The following STXBP4 variants were observed in gnomAD, a reference collection of about 807,000 sequenced individuals.
STXBP4 encodes the protein syntaxin-binding protein 4.
In STXBP4, 55 loss-of-function variants were observed where a neutral mutation model predicts 76.1. The observed-to-expected ratio is 0.72, with a 90% CI of 0.58 to 0.91. The LOEUF (loss-of-function observed/expected upper bound fraction) is 0.91, where lower values mean the gene tolerates loss of function less well. STXBP4 is among the 40% of genes least tolerant of loss of function. The pLI, the probability that STXBP4 is intolerant of heterozygous loss-of-function variation, is 0.00. For missense variants in STXBP4, 618 were observed against 636.9 expected (o/e 0.97, Z 0.32); for synonymous variants, 201 against 220.2 (o/e 0.91, Z 0.77).
At chr17:55,034,074 G>A (rs2078557625) in intron 9 of STXBP4, 94 bp from the exon 10 acceptor site, 3 of 813,268 alleles carry the variant, frequency 3.7e-6, no homozygotes, top group Admixed American at 2.3e-5. Context: ...ATTTATGTGG[G>A]TTAAATTTGA....
intron 16 of STXBP4, among the ~76,000 whole-genome samples, chr17:55,117,732 G>A (rs1323171178): frequency 2.6e-5 from 4 of 151,920 alleles, no homozygotes; most frequent in Non-Finnish European, 5.9e-5. Context: ...ATGATGGACA[G>A]AATGTTTTTA....
the STXBP4 span, among the ~76,000 whole-genome samples, chr17:55,208,401 T>C: frequency 2.0e-5 from 3 of 152,078 alleles, no homozygotes. Flanking sequence ...GGTTGGGAGA[T>C]CATATAATTT....
At chr17:55,081,639 C>G (rs1057017464) in intron 16 of STXBP4, among the ~76,000 whole-genome samples, 3 of 152,158 alleles carry the variant, frequency 2.0e-5, no homozygotes, top group Non-Finnish European at 4.4e-5. Flanking sequence ...GGATCACAGA[C>G]AGTGAAGACT....
At chr17:55,179,983 C>T in the STXBP4 span, among the ~76,000 whole-genome samples, 1 of 152,098 alleles carries the variant, frequency 6.6e-6, no homozygotes, top group African/African-American at 2.4e-5. Context: ...TGACTCAAAC[C>T]GATATCTCAT....
chr17:55,077,962 T>C (rs371857453), intron 13 of STXBP4, 116 bp from the exon 14 acceptor site: 20 of 663,028 alleles, frequency 3.0e-5, no homozygotes, highest in South Asian at 1.8e-4. Context: ...ATATGTACAG[T>C]AAGAGAAAAA....
At chr17:55,131,221 A>G (rs932342727) in intron 16 of STXBP4, among the ~76,000 whole-genome samples, 3 of 152,202 alleles carry the variant, frequency 2.0e-5, no homozygotes, top group Non-Finnish European at 2.9e-5. Context: ...ACAGGTGTGA[A>G]GTGATATCTC....
intron 12 of STXBP4, among the ~76,000 whole-genome samples, chr17:55,051,420 C>A (rs903443342): frequency 7.2e-5 from 11 of 152,098 alleles, no homozygotes; most frequent in African/African-American, 2.7e-4. Flanking sequence ...GAAGGAATTT[C>A]ATACAAGTCC....
chr17:55,117,344 A>G (rs1446043110), intron 16 of STXBP4, among the ~76,000 whole-genome samples: 2 of 151,862 alleles, frequency 1.3e-5, no homozygotes, highest in Non-Finnish European at 1.5e-5. Flanking sequence ...CTCTCAGCCA[A>G]TAGTGTAAAA....
intron 10 of STXBP4, among the ~76,000 whole-genome samples, chr17:55,042,561 G>A (rs560453107): frequency 4.5e-4 from 69 of 152,082 alleles, no homozygotes; most frequent in African/African-American, 1.5e-3. Context: ...GGAGATGGCT[G>A]TAGTTAAACT....
chr17:55,157,700 A>G (rs1463509981), intron 17 of STXBP4, among the ~76,000 whole-genome samples: 1 of 152,198 alleles, frequency 6.6e-6, no homozygotes, highest in Non-Finnish European at 1.5e-5. Context: ...TAATATTTAA[A>G]CAGAGGAGCT....
At chr17:55,059,704 C>A (rs898457771) in intron 12 of STXBP4, among the ~76,000 whole-genome samples, 5 of 150,554 alleles carry the variant, frequency 3.3e-5, no homozygotes, top group Non-Finnish European at 7.4e-5. Context: ...AGGTCTCATC[C>A]CAGATCTATA....
chr17:55,178,692 T>G, the STXBP4 span, among the ~76,000 whole-genome samples: 6 of 152,292 alleles, frequency 3.9e-5, no homozygotes, highest in Non-Finnish European at 8.8e-5. Flanking sequence ...TACAGTAGAC[T>G]CCAAAGAGCT....
At chr17:55,180,575 A>G in the STXBP4 span, among the ~76,000 whole-genome samples, 1 of 152,254 alleles carries the variant, frequency 6.6e-6, no homozygotes, top group Non-Finnish European at 1.5e-5. Flanking sequence ...AAGAATTACA[A>G]TTTAGAGATG....
At chr17:55,067,646 T>G (rs113395254) in intron 12 of STXBP4, among the ~76,000 whole-genome samples, 4 of 152,286 alleles carry the variant, frequency 2.6e-5, no homozygotes, top group African/African-American at 9.6e-5. Context: ...GTTTGTTACC[T>G]AAGGTGGTAC....
In STXBP4 at chr17:55,159,894, C is replaced by A. The variant is rs1475646622; in HGVS notation, c.1645C>A (p.Pro549Thr). ...ENEEDCSREL[P>T]NQKS ...TGAAGAGGATTGCTCTAGAGAACTC[C>A]CCAACCAGAAAAGTTGATGGTTTTC... The change falls in exon 18 of 18, where the codon CCC becomes ACC. Residue 549 changes from proline (P) to threonine (T), a missense_variant. Physicochemically the swap from Pro to Thr is conservative, Grantham distance 38. Coordinates refer to ENST00000376352, the MANE Select transcript of STXBP4 (RefSeq NM_178509.6). 14 of 1,612,160 alleles carry A rather than the reference C, an allele frequency of 8.7e-6. No homozygotes were observed. The South Asian group carries it at 1.2e-4, about 14-fold the overall frequency.
intron 16 of STXBP4, among the ~76,000 whole-genome samples, chr17:55,094,648 A>T (rs953465855): frequency 1.3e-5 from 2 of 152,234 alleles, no homozygotes; most frequent in Admixed American, 6.5e-5. Context: ...ATCTGCTGTC[A>T]TCTTGGATCT....
chr17:55,080,221 G>A (rs776170844), intron 15 of STXBP4, among the ~76,000 whole-genome samples: 4 of 152,092 alleles, frequency 2.6e-5, no homozygotes, highest in Non-Finnish European at 5.9e-5. Context: ...GCTACATCAC[G>A]CAACATTTCA....
At chr17:54,992,552 G>T (rs1007855108) in intron 4 of STXBP4, among the ~76,000 whole-genome samples, 9 of 151,606 alleles carry the variant, frequency 5.9e-5, no homozygotes, top group African/African-American at 2.2e-4. Context: ...TTTCTTCCAA[G>T]AATTGAGGTG....
At chr17:55,153,004 C>T (rs986772634) in intron 17 of STXBP4, among the ~76,000 whole-genome samples, 5 of 151,998 alleles carry the variant, frequency 3.3e-5, no homozygotes, top group South Asian at 4.2e-4. Flanking sequence ...AGAGCCTCAG[C>T]GAGGAGTTTA....
Sources: gnomAD v4.1 joint callset for allele counts (sites outside exome capture counted in the v4.1 genomes callset) on GRCh38, gnomAD v4.1.1 for gene constraint, MANE v1.5 for transcripts, NCBI Gene and HGNC (gene_info 2026-07-23, HGNC 2026-07-21) for gene names.